The following STPG2 variants were observed in gnomAD, a reference collection of about 807,000 sequenced individuals.
The protein encoded by STPG2 is sperm tail PG-rich repeat containing 2.
Under a neutral mutation model 54.2 loss-of-function variants are expected in STPG2, and 56 were observed. The observed-to-expected ratio is 1.03, with a 90% CI of 0.83 to 1.29. STPG2 has a LOEUF of 1.29. Among genes scored for constraint, STPG2 ranks in the 50% most tolerant of loss-of-function variants. STPG2 has a pLI of 0.00. For synonymous variants in STPG2, 200 were observed against 181.8 expected, an observed-to-expected ratio of 1.10 and a Z score of -0.81; for missense variants, 596 against 544.9, an observed-to-expected ratio of 1.09 and a Z score of -0.93.
At chr4:97,686,840 A>T (rs1436424527) in intron 10 of STPG2, among the ~76,000 whole-genome samples, 1 of 151,778 alleles carries the variant, frequency 6.6e-6, no homozygotes, top group Non-Finnish European at 1.5e-5. Flanking sequence ...CTCTAAAATT[A>T]TTATTTTTTA....
intron 10 of STPG2, among the ~76,000 whole-genome samples, chr4:97,568,355 T>C (rs1732508495): frequency 6.6e-6 from 1 of 152,144 alleles, no homozygotes; most frequent in Non-Finnish European, 1.5e-5. Flanking sequence ...AGCAAATGAG[T>C]AAATGTGTTG....
At chr4:97,601,495 T>C (rs1055839357) in intron 10 of STPG2, among the ~76,000 whole-genome samples, 3 of 152,008 alleles carry the variant, frequency 2.0e-5, no homozygotes, top group African/African-American at 7.2e-5. Flanking sequence ...TTTTCCCGTA[T>C]GGGTGATTGA....
At chr4:97,982,351 T>G (rs376660859) in intron 5 of STPG2, among the ~76,000 whole-genome samples, 2 of 148,880 alleles carry the variant, frequency 1.3e-5, no homozygotes, top group East Asian at 2.0e-4. Context: ...TCTGTTTGTC[T>G]TTCTCTTCCT....
intron 5 of STPG2, among the ~76,000 whole-genome samples, chr4:98,087,564 T>C (rs77399604): frequency 0.011 from 1,062 of 93,574 alleles, 9 homozygotes; most frequent in Non-Finnish European, 0.018. Flanking sequence ...TTTTTTCTTT[T>C]TTTTTTTTTT....
At chr4:97,673,331 A>G (rs1456174279) in intron 10 of STPG2, among the ~76,000 whole-genome samples, 1 of 152,224 alleles carries the variant, frequency 6.6e-6, no homozygotes, top group African/African-American at 2.4e-5. Flanking sequence ...CATGGTAACA[A>G]GTTAACAGCC....
chr4:97,919,456 A>G (rs1288165996), intron 8 of STPG2, among the ~76,000 whole-genome samples: 1 of 151,698 alleles, frequency 6.6e-6, no homozygotes, highest in Non-Finnish European at 1.5e-5. Context: ...ATTAAAAAAA[A>G]GAAAATACGA....
rs542257763 is a variant in STPG2, at chr4:97,593,442, G to A, written c.1321-34325C>T. Reference sequence around the variant, plus strand: ...CATCCTGGGTCTCGCACACCCAACCGCAATTCTTGCCTAGCTATGCCACCA... The same window carrying A: ...CATCCTGGGTCTCGCACACCCAACCACAATTCTTGCCTAGCTATGCCACCA... On this transcript the variant is annotated intron_variant, in intron 10 of 10. Transcript: ENST00000295268. Among the ~76,000 whole-genome samples the A allele has an allele frequency of 1.6e-4, 25 of 152,244 alleles. No homozygotes were observed. The East Asian group carries it at 4.5e-3, about 27-fold the overall frequency.
chr4:97,590,506 T>C (rs1381528699), intron 10 of STPG2, among the ~76,000 whole-genome samples: 1 of 152,044 alleles, frequency 6.6e-6, no homozygotes, highest in Non-Finnish European at 1.5e-5. Context: ...TCAGTGCCTA[T>C]TCTTACACAA....
rs573416827 is a variant in STPG2, at chr4:97,562,667, G to C, written c.1321-3550C>G. ...TTAGCATGAAGGGTTGTTGAATTTTGTCAAAGGCCTTTTCTGCATCTATTG... is the reference window on the plus strand; with the variant it reads ...TTAGCATGAAGGGTTGTTGAATTTTCTCAAAGGCCTTTTCTGCATCTATTG... On this transcript the variant is annotated intron_variant, in intron 10 of 10. Coordinates refer to ENST00000295268, the MANE Select transcript of STPG2 (RefSeq NM_174952.3). Among the ~76,000 whole-genome samples, 6 of 152,234 alleles carry C rather than the reference G, an allele frequency of 3.9e-5. No individual in the cohort carries two copies. The East Asian group carries it at 9.7e-4, about 25-fold the overall frequency.
rs867271923 is a variant in STPG2 at position 97,837,330 on chromosome 4, T to A, written c.1204+3443A>T. On this transcript the variant is annotated intron_variant, in intron 9 of 10. Coordinates refer to ENST00000295268, the MANE Select transcript of STPG2 (RefSeq NM_174952.3). ...ATATAAATTTATACTTTCAACACAA[T>A]GTATGAGGCTCCTCAATTTTCCACA... 9.9e-5 allele frequency among the ~76,000 whole-genome samples: 15 copies of A among 151,818 alleles called. No individual in the cohort carries two copies. In the South Asian group the frequency reaches 3.1e-3, roughly 31 times the overall value.
intron 4 of STPG2, among the ~76,000 whole-genome samples, chr4:97,468,689 T>C (rs1329418900): frequency 6.6e-6 from 1 of 152,046 alleles, no homozygotes; most frequent in Admixed American, 6.6e-5. Context: ...TTTTTTCCTA[T>C]GCCCTATAAA....
At position 97,457,066 on chromosome 4, in the gene STPG2, T is replaced by C. The variant is rs559005894; in HGVS notation, c.462+255633A>G. ...ACAATAGTGAGATACCACTACCTAC[T>C]GATCCGAATGATCAAAAAGCAAAAC... is the stretch of plus-strand genomic sequence containing the variant. On this transcript the variant is annotated intron_variant, in intron 4 of 4. Coordinates refer to the STPG2 transcript ENST00000522676. Among the ~76,000 whole-genome samples, 22 of 152,274 alleles carry C rather than the reference T, an allele frequency of 1.4e-4. No individual in the cohort carries two copies. In the East Asian group the frequency reaches 4.2e-3, roughly 29 times the overall value.
chr4:97,856,974 A>G (rs575807590), intron 8 of STPG2, among the ~76,000 whole-genome samples: 15 of 152,166 alleles, frequency 9.9e-5, no homozygotes, highest in Non-Finnish European at 2.1e-4. Context: ...TGATTTGTGT[A>G]TGTTGAACAA....
intron 8 of STPG2, among the ~76,000 whole-genome samples, chr4:97,918,265 T>C (rs1234366191): frequency 6.6e-6 from 1 of 152,066 alleles, no homozygotes; most frequent in Non-Finnish European, 1.5e-5. Context: ...GACTTCAAAA[T>C]AGATGAAAAC....
At chr4:97,676,571 AAG>A in intron 10 of STPG2, among the ~76,000 whole-genome samples, 1 of 124,316 alleles carries the variant, frequency 8.0e-6, no homozygotes, top group Non-Finnish European at 1.6e-5. Flanking sequence ...GGAAGGAAGG[AAG>A]GAAAGGAGGG....
chr4:98,083,958 AT>A (rs1197063340), intron 5 of STPG2, among the ~76,000 whole-genome samples: 3 of 152,134 alleles, frequency 2.0e-5, no homozygotes, highest in East Asian at 3.9e-4. Flanking sequence ...GGCTCGAGCA[AT>A]CCTCCTATCT....
intron 5 of STPG2, among the ~76,000 whole-genome samples, chr4:98,068,717 G>A (rs759902703): frequency 6.6e-6 from 1 of 152,010 alleles, no homozygotes; most frequent in Non-Finnish European, 1.5e-5. Flanking sequence ...AATGTGTCGT[G>A]AGGTGATTTC....
At chr4:98,129,173 C>T (rs1739914764) in intron 2 of STPG2, among the ~76,000 whole-genome samples, 1 of 152,196 alleles carries the variant, frequency 6.6e-6, no homozygotes, top group African/African-American at 2.4e-5. Context: ...AGCAAAGATT[C>T]TTTCTCGTTT....
At chr4:97,620,760 T>C (rs1733990416) in intron 10 of STPG2, among the ~76,000 whole-genome samples, 1 of 152,092 alleles carries the variant, frequency 6.6e-6, no homozygotes, top group Admixed American at 6.6e-5. Context: ...ACCAAGGATA[T>C]TCAGGACTTG....
Sources: allele counts gnomAD v4.1 joint callset (sites outside exome capture counted in the v4.1 genomes callset), GRCh38; gene constraint gnomAD v4.1.1; transcripts MANE v1.5; gene names NCBI Gene and HGNC (gene_info 2026-07-23, HGNC 2026-07-21).